MORC3: variants seen among roughly 807,000 people sequenced by gnomAD.
The protein encoded by MORC3 is MORC family CW-type zinc finger 3.
In MORC3, 31 loss-of-function variants were observed where a neutral mutation model predicts 109.1. That is an observed-to-expected ratio of 0.28 (90% CI 0.21 to 0.38). The LOEUF (loss-of-function observed/expected upper bound fraction) is 0.38. MORC3 is among the 10% of genes least tolerant of loss of function. The probability of loss-of-function intolerance (pLI) is 1.00; values close to 1 mark genes in which losing one functional copy is unlikely to be tolerated. For missense variants in MORC3, 867 were observed against 1,135.8 expected (o/e 0.76, Z 3.40); for synonymous variants, 395 against 380.7 (o/e 1.04, Z -0.44).
At position 36,338,760 on chromosome 21, in the gene MORC3, A is replaced by G. The variant is rs781293392; in HGVS notation, c.461-14A>G. 1 of 1,595,954 alleles carries G rather than the reference A, an allele frequency of 6.3e-7. No homozygotes were observed. On this transcript the variant is annotated splice_polypyrimidine_tract_variant and intron_variant, in intron 4 of 16. Transcript: ENST00000400485. ...AACTATGTTGTCAATCTGAGTCTTTAACTTATGATATACGACAGATGATTA... is the reference window on the plus strand; with the variant it reads ...AACTATGTTGTCAATCTGAGTCTTTGACTTATGATATACGACAGATGATTA...
rs1424375777 is a variant in MORC3 at position 36,320,252 on chromosome 21, T to G, written c.-13T>G. 1.9e-6 allele frequency: 3 copies of G among 1,580,930 alleles called. No individual in the cohort carries two copies. Among genetic ancestry groups the G allele is most frequent in the Non-Finnish European group, 2.6e-6 (3 of 1,164,946 alleles). On this transcript the variant is annotated 5_prime_UTR_variant, in exon 1 of 17. Transcript: ENST00000400485. ...GCGGCGGAGGCCGTTCCTGGCTTTGTAGCTCGCTCAAGATGGCGGCGCAGC... is the reference window on the plus strand; with the variant it reads ...GCGGCGGAGGCCGTTCCTGGCTTTGGAGCTCGCTCAAGATGGCGGCGCAGC...
intron 9 of MORC3, among the ~76,000 whole-genome samples, chr21:36,354,457 A>G (rs1226060369): frequency 6.6e-6 from 1 of 151,224 alleles, no homozygotes; most frequent in East Asian, 2.0e-4. Flanking sequence ...GGCACACGCC[A>G]TCACGCCCGG....
In MORC3 at chr21:36,335,956, G is replaced by A. The variant is rs1425521590; in HGVS notation, c.113-918G>A. ...TTTTCCATTTTTGAGACGGAGTCTCGCTCTTGTTGCCCAGGCTCGAGTGCA... is the reference window on the plus strand; with the variant it reads ...TTTTCCATTTTTGAGACGGAGTCTCACTCTTGTTGCCCAGGCTCGAGTGCA... On this transcript the variant is annotated intron_variant, in intron 2 of 16. Transcript: ENST00000400485. Among the ~76,000 whole-genome samples, 3 of 151,796 alleles carry A rather than the reference G, an allele frequency of 2.0e-5. No homozygotes were observed. In the East Asian group the frequency reaches 5.8e-4, roughly 29 times the overall value.
intron 16 of MORC3, 62 bp downstream of exon 16, chr21:36,372,593 A>G (rs2085883274): frequency 2.0e-6 from 3 of 1,472,314 alleles, no homozygotes; most frequent in African/African-American, 1.4e-5. Flanking sequence ...ATTTATTTTT[A>G]TCTGCTAGCA....
intron 12 of MORC3, chr21:36,360,565 A>C: frequency 2.7e-6 from 1 of 371,820 alleles, no homozygotes; most frequent in East Asian, 5.7e-5. Context: ...AAGGTGTAAC[A>C]GAAGAGGTGA....
chr21:36,347,533 C>T (rs2085522861), intron 8 of MORC3, among the ~76,000 whole-genome samples: 1 of 152,154 alleles, frequency 6.6e-6, no homozygotes, highest in African/African-American at 2.4e-5. Flanking sequence ...CTAGTATTTG[C>T]ATTCTGTGGA....
At chr21:36,345,098 CTT>C (rs775456318) in intron 8 of MORC3, 67 bp downstream of exon 8, 13 of 1,419,778 alleles carry the variant, frequency 9.2e-6, no homozygotes, top group Admixed American at 7.2e-5. Context: ...AATATATGCT[CTT>C]GAGTCAAATG....
chr21:36,341,689 A>C lies in MORC3; in HGVS notation c.756+143A>C, dbSNP rs567066644. ...TCTCAGACATGATTTTCCCTGGCCCACTCAGCCTGGGCAACAGAGTGAGGC... is the reference window on the plus strand; with the variant it reads ...TCTCAGACATGATTTTCCCTGGCCCCCTCAGCCTGGGCAACAGAGTGAGGC... On this transcript the variant is annotated intron_variant, in intron 6 of 16. Transcript: ENST00000400485. 2.1e-5 allele frequency: 25 copies of C among 1,167,674 alleles called. No individual in the cohort carries two copies. In the African/African-American group the frequency reaches 3.9e-4, roughly 18 times the overall value. The allele number at this position is 1,167,674 out of a possible 1,614,324, so 72.3% of individuals were successfully genotyped here.
At chr21:36,327,923 C>G (rs1010228933) in intron 1 of MORC3, among the ~76,000 whole-genome samples, 2 of 151,508 alleles carry the variant, frequency 1.3e-5, no homozygotes, top group African/African-American at 2.4e-5. Context: ...GTTGCCCAGT[C>G]TGGAGTGCAG....
chr21:36,356,229 C>A (rs117637454), intron 9 of MORC3, among the ~76,000 whole-genome samples: 3,765 of 152,220 alleles, frequency 0.025, 64 homozygotes, highest in Admixed American at 0.046. Flanking sequence ...GTATATGCTT[C>A]AGTCTTGATA....
In MORC3 at chr21:36,375,576, C is replaced by T; in HGVS notation, c.*280C>T. 1 of 216,690 alleles carries T rather than the reference C, an allele frequency of 4.6e-6. No individual in the cohort carries two copies. The highest frequency in any genetic ancestry group is 9.2e-6 in the Non-Finnish European group (1 of 108,876). 13.4% of individuals were successfully genotyped at this position (216,690 alleles called of 1,614,324 possible). On this transcript the variant is annotated 3_prime_UTR_variant, in exon 17 of 17. Coordinates refer to ENST00000400485, the MANE Select transcript of MORC3 (RefSeq NM_015358.3). Reference sequence around the variant, plus strand: ...AAGCCTGCACATATTTTTTTATTGCCCTAGAGTACTCAAGTGTTTTTCACC... The same window carrying T: ...AAGCCTGCACATATTTTTTTATTGCTCTAGAGTACTCAAGTGTTTTTCACC...
At chr21:36,336,800 T>G (rs1307558103) in intron 2 of MORC3, 74 bp from the exon 3 acceptor site, 1 of 1,398,218 alleles carries the variant, frequency 7.2e-7, no homozygotes. Flanking sequence ...CTATTGCTTC[T>G]TACAGGATTG....
intron 2 of MORC3, 104 bp from the exon 3 acceptor site, chr21:36,336,770 T>A: frequency 8.6e-7 from 1 of 1,165,348 alleles, no homozygotes; most frequent in Non-Finnish European, 1.1e-6. Context: ...GCTTTTAAAG[T>A]TGTCTTAAAA....
intron 1 of MORC3, among the ~76,000 whole-genome samples, chr21:36,321,660 C>G (rs2085194843): frequency 6.6e-6 from 1 of 151,790 alleles, no homozygotes; most frequent in Non-Finnish European, 1.5e-5. Context: ...TCTGGCCTTA[C>G]CTAGTTTAAA....
intron 16 of MORC3, among the ~76,000 whole-genome samples, chr21:36,372,913 TGTC>T (rs2085886163): frequency 6.6e-6 from 1 of 152,222 alleles, no homozygotes; most frequent in Admixed American, 6.5e-5. Flanking sequence ...TTTCTTTTAT[TGTC>T]GTACTTGGTA....
At chr21:36,361,072 T>TA (rs36107591) in intron 12 of MORC3, among the ~76,000 whole-genome samples, 4,926 of 139,240 alleles carry the variant, frequency 0.035, 112 homozygotes, top group African/African-American at 0.052. Flanking sequence ...GACTCTATCT[T>TA]AAAAAAAAAA....
chr21:36,364,266 G>T lies in MORC3; in HGVS notation c.1619+7G>T. 6.2e-7 allele frequency: 1 copy of T among 1,611,208 alleles called. No individual in the cohort carries two copies. Among genetic ancestry groups the T allele is most frequent in the South Asian group, 1.1e-5 (1 of 90,726 alleles). ...CTGAACCTGAGAGCAACAGGTCAGT[G>T]GCTAAGATTGGTTTTCCATTTGGGG... is the stretch of plus-strand genomic sequence containing the variant. On this transcript the variant is annotated splice_region_variant and intron_variant, in intron 14 of 16. Transcript: ENST00000400485.
intron 13 of MORC3, among the ~76,000 whole-genome samples, chr21:36,363,654 T>G (rs936738711): frequency 1.6e-4 from 24 of 152,158 alleles, no homozygotes; most frequent in African/African-American, 5.8e-4. Flanking sequence ...CGAAGTACAG[T>G]TTCTGCTGAA....
chr21:36,335,273 G>T (rs2085363098), intron 2 of MORC3, among the ~76,000 whole-genome samples: 1 of 151,340 alleles, frequency 6.6e-6, no homozygotes, highest in South Asian at 2.1e-4. Flanking sequence ...TCAAGGAAGG[G>T]TTCTATCATA....
Sources: gnomAD v4.1 joint callset for allele counts (sites outside exome capture counted in the v4.1 genomes callset) on GRCh38, gnomAD v4.1.1 for gene constraint, MANE v1.5 for transcripts, NCBI Gene and HGNC (gene_info 2026-07-23, HGNC 2026-07-21) for gene names.